NAV3: variants seen among roughly 807,000 people sequenced by gnomAD.
NAV3 encodes neuron navigator 3.
In NAV3, 87 loss-of-function variants were observed where a neutral mutation model predicts 244.7. That is an observed-to-expected ratio of 0.36 (90% CI 0.30 to 0.42). NAV3 has a LOEUF of 0.42. NAV3 is among the 20% of genes least tolerant of loss of function. NAV3 has a pLI of 1.00. For synonymous variants in NAV3, 1,126 were observed against 1,042.2 expected, an observed-to-expected ratio of 1.08 and a Z score of -1.55; for missense variants, 2,663 against 2,893.3, an observed-to-expected ratio of 0.92 and a Z score of 1.83.
intron 12 of NAV3, among the ~76,000 whole-genome samples, chr12:78,064,804 T>C (rs186770109): frequency 2.0e-5 from 3 of 152,200 alleles, no homozygotes; most frequent in Admixed American, 6.5e-5. Flanking sequence ...TTAGCTCGTA[T>C]ACAAGCTCTA....
At chr12:78,167,516 CT>C (rs35389511) in intron 23 of NAV3, among the ~76,000 whole-genome samples, 20,216 of 144,334 alleles carry the variant, frequency 0.14, 1,626 homozygotes, top group Admixed American at 0.26. Context: ...TTAGCATCAT[CT>C]TTTTTTTTTT....
chr12:77,998,031 C>T (rs1001474210), intron 6 of NAV3, among the ~76,000 whole-genome samples: 3 of 152,138 alleles, frequency 2.0e-5, no homozygotes, highest in Admixed American at 6.5e-5. Context: ...ATAATTGTTA[C>T]AGTACTTTTA....
At chr12:78,187,312 TTA>T (rs1184467821) in intron 31 of NAV3, among the ~76,000 whole-genome samples, 1 of 151,894 alleles carries the variant, frequency 6.6e-6, no homozygotes, top group Non-Finnish European at 1.5e-5. Context: ...GTGGTAGGTA[TTA>T]TGTGTTATAG....
At chr12:77,957,439 T>C (rs918343609) in intron 3 of NAV3, among the ~76,000 whole-genome samples, 1 of 152,210 alleles carries the variant, frequency 6.6e-6, no homozygotes, top group African/African-American at 2.4e-5. Flanking sequence ...TCATTAACTA[T>C]CCATAAGTGT....
At chr12:78,159,153 C>T in intron 22 of NAV3, 50 bp from the exon 23 acceptor site, 4 of 1,495,804 alleles carry the variant, frequency 2.7e-6, no homozygotes, top group Non-Finnish European at 3.7e-6. Flanking sequence ...TTTCATCCAT[C>T]CACATAAGAT....
At chr12:77,963,939 GCTC>G (rs1892278696) in intron 3 of NAV3, among the ~76,000 whole-genome samples, 4 of 105,230 alleles carry the variant, frequency 3.8e-5, no homozygotes, top group South Asian at 3.7e-4. Context: ...TCCTCCTTCT[GCTC>G]CTCCTCCTCC....
chr12:77,770,678 C>T lies in NAV3; in HGVS notation c.73-169641C>T, dbSNP rs750656469. Among the ~76,000 whole-genome samples the T allele has an allele frequency of 3.8e-4, 58 of 152,248 alleles. 1 individual carries two copies. Among genetic ancestry groups the T allele is most frequent in the Admixed American group, 1.5e-3 (23 of 15,278 alleles). On this transcript the variant is annotated intron_variant, in intron 2 of 8. Coordinates refer to the NAV3 transcript ENST00000550042. ...CTTTTATATGAAGTCTAAAATGTAA[C>T]CATTTGGGTGCTGGGAAAACTGGCT...
At chr12:77,593,807 AT>A (rs1870037648) in intron 2 of NAV3, among the ~76,000 whole-genome samples, 2 of 151,618 alleles carry the variant, frequency 1.3e-5, no homozygotes, top group African/African-American at 4.9e-5. Flanking sequence ...GGAGAGATTT[AT>A]TTTAGATGAA....
At chr12:77,817,275 T>A (rs1469420862) in intron 2 of NAV3, among the ~76,000 whole-genome samples, 11 of 152,156 alleles carry the variant, frequency 7.2e-5, no homozygotes, top group Admixed American at 7.2e-4. Flanking sequence ...CAGACAGTTT[T>A]AGGTTTGGAA....
chr12:78,050,621 A>G (rs1882597291), intron 10 of NAV3, 143 bp from the exon 11 acceptor site: 3 of 885,982 alleles, frequency 3.4e-6, no homozygotes, highest in South Asian at 3.6e-5. Flanking sequence ...TTTGACCTCA[A>G]AATGAATATA....
At chr12:77,736,450 T>G (rs1019299759) in intron 2 of NAV3, among the ~76,000 whole-genome samples, 2 of 152,316 alleles carry the variant, frequency 1.3e-5, no homozygotes, top group East Asian at 3.9e-4. Flanking sequence ...CTTATGTGGT[T>G]GTACCAGTTG....
At chr12:77,941,191 G>T in intron 3 of NAV3, 58 bp downstream of exon 3, 1 of 1,067,282 alleles carries the variant, frequency 9.4e-7, no homozygotes, top group Non-Finnish European at 1.4e-6. Flanking sequence ...AGAATTAATT[G>T]CATTTGTAAA....
chr12:77,771,851 A>C lies in NAV3; in HGVS notation c.73-168468A>C, dbSNP rs544084262. On this transcript the variant is annotated intron_variant, in intron 2 of 8. Transcript: ENST00000550042. ...TGGGTGCAGCACACCGACATGGCAC[A>C]TGTATACATATGTAACAAACCTGCA... is the stretch of plus-strand genomic sequence containing the variant. 3.9e-5 allele frequency among the ~76,000 whole-genome samples: 6 copies of C among 152,258 alleles called. No individual in the cohort carries two copies. In the South Asian group the frequency reaches 1.2e-3, roughly 32 times the overall value.
chr12:77,831,145 A>C lies in NAV3; in HGVS notation c.-317A>C. On this transcript the variant is annotated 5_prime_UTR_variant, in exon 1 of 40. Coordinates refer to ENST00000397909, the MANE Select transcript of NAV3 (RefSeq NM_001024383.2). Reference sequence around the variant, plus strand: ...TTTAGTATTACTTAGATACTGAGTCACTGAACAGAGAGAGAGAGAGAGACA... The same window carrying C: ...TTTAGTATTACTTAGATACTGAGTCCCTGAACAGAGAGAGAGAGAGAGACA... 5.5e-6 allele frequency: 1 copy of C among 183,284 alleles called. No homozygotes were observed. Among genetic ancestry groups the C allele is most frequent in the Non-Finnish European group, 1.1e-5 (1 of 88,618 alleles). 11.4% of individuals were successfully genotyped at this position (183,284 alleles called of 1,614,324 possible). A position where few individuals can be genotyped will look rare whatever the true frequency, so the allele number is the denominator to read the frequency against.
At chr12:77,576,128 C>A (rs911396166) in intron 2 of NAV3, among the ~76,000 whole-genome samples, 2 of 152,028 alleles carry the variant, frequency 1.3e-5, no homozygotes, top group African/African-American at 2.4e-5. Context: ...GTCCTTCCGT[C>A]CTTCTATGAG....
chr12:77,976,658 CTTTCTTTCTTTT>C lies in NAV3; in HGVS notation c.671+7964_671+7975del, dbSNP rs1340156166. 3.6e-4 allele frequency among the ~76,000 whole-genome samples: 31 copies of C among 86,386 alleles called. No individual in the cohort carries two copies. The South Asian group carries it at 0.011, about 31-fold the overall frequency. The allele number at this position is 86,386 out of a possible 152,430, so 56.7% of individuals were successfully genotyped here. A position where few individuals can be genotyped will look rare whatever the true frequency, so the allele number is the denominator to read the frequency against. On this transcript the variant is annotated intron_variant, in intron 5 of 39. Transcript: ENST00000397909. The stretch of plus-strand genomic sequence containing the variant: ...TGTATACTGTATTCTTTCTTTCTTT[CTTTCTTTCTTTT>C]TTTCTTTTTTTTTTTTTTTTTTGAG...
exon 2 of NAV3, chr12:77,572,013 T>G (rs1868849152): frequency 6.5e-6 from 1 of 153,944 alleles, no homozygotes; most frequent in Non-Finnish European, 1.5e-5. Context: ...GGGAGTAAAC[T>G]GCAAACTTTA....
At chr12:78,099,313 A>G (rs1183692376) in intron 12 of NAV3, among the ~76,000 whole-genome samples, 1 of 151,738 alleles carries the variant, frequency 6.6e-6, no homozygotes, top group Non-Finnish European at 1.5e-5. Context: ...ATAAGGTAAT[A>G]TGAAGTGAAT....
At chr12:77,936,533 A>G (rs376301615) in intron 1 of NAV3, among the ~76,000 whole-genome samples, 60 of 152,294 alleles carry the variant, frequency 3.9e-4, no homozygotes, top group African/African-American at 1.3e-3. Flanking sequence ...GATTAGTTTG[A>G]TATTGTTCCC....
Sources: gnomAD v4.1 joint callset for allele counts (sites outside exome capture counted in the v4.1 genomes callset) on GRCh38, gnomAD v4.1.1 for gene constraint, MANE v1.5 for transcripts, NCBI Gene and HGNC (gene_info 2026-07-23, HGNC 2026-07-21) for gene names.